Variants in MICALL1 observed in about 807,000 individuals in gnomAD.
The protein encoded by MICALL1 is MICAL like 1.
Under a neutral mutation model 83.7 loss-of-function variants are expected in MICALL1, and 61 were observed. That is an observed-to-expected ratio of 0.73 (90% CI 0.59 to 0.90). The LOEUF (loss-of-function observed/expected upper bound fraction) is 0.90. Among genes scored for constraint, MICALL1 ranks in the 40% least tolerant of loss-of-function variants. The probability of loss-of-function intolerance (pLI) is 0.00; values close to 1 mark genes in which losing one functional copy is unlikely to be tolerated. For missense variants in MICALL1, 1,066 were observed against 1,152.0 expected, an observed-to-expected ratio of 0.93 and a Z score of 1.08; for synonymous variants, 481 against 473.6, an observed-to-expected ratio of 1.02 and a Z score of -0.20.
rs371197573 is a variant in MICALL1, at chr22:37,940,836, C to T, written c.*6C>T. 6.9e-5 allele frequency: 111 copies of T among 1,613,466 alleles called. No individual in the cohort carries two copies. The highest frequency in any genetic ancestry group is 1.9e-4 in the African/African-American group (14 of 74,902). ...CCCCCAGAGACAAGAGCTAACAGCA[C>T]GAGAAGCCAGTTGGGGACTGCCCCC... On this transcript the variant is annotated 3_prime_UTR_variant, in exon 16 of 16. Coordinates refer to ENST00000215957, the MANE Select transcript of MICALL1 (RefSeq NM_033386.4).
intron 13 of MICALL1, among the ~76,000 whole-genome samples, chr22:37,933,527 G>C (rs1487542160): frequency 1.3e-5 from 2 of 152,154 alleles, no homozygotes; most frequent in African/African-American, 4.8e-5. Flanking sequence ...GGTGTAAGAT[G>C]GGAATGAAGG....
Position 37,931,860 on chromosome 22 carries a change from A to G in MICALL1, c.1943A>G (p.Lys648Arg), listed in dbSNP as rs201140058. Residue 648 changes from lysine to arginine, a missense_variant, in exon 10 of 16, where the codon AAG becomes AGG. Transcript: ENST00000215957. ...KPSPAASPAT[K>R]KATKGSKPVR... Reference sequence around the variant, plus strand: ...TCACCTGCAGCGTCCCCAGCCACAAAGAAGGCCACCAAGGGATCCAAGCCA... The same window carrying G: ...TCACCTGCAGCGTCCCCAGCCACAAGGAAGGCCACCAAGGGATCCAAGCCA... 1.9e-6 allele frequency: 3 copies of G among 1,614,128 alleles called. No homozygotes were observed. Among genetic ancestry groups the G allele is most frequent in the South Asian group, 2.2e-5 (2 of 91,080 alleles).
intron 1 of MICALL1, among the ~76,000 whole-genome samples, chr22:37,907,815 A>C (rs1928062463): frequency 6.6e-6 from 1 of 152,228 alleles, no homozygotes; most frequent in South Asian, 2.1e-4. Flanking sequence ...TGAGGTGGTC[A>C]TGTAGGTGGG....
In MICALL1 at chr22:37,932,918, C is replaced by T; in HGVS notation, c.2234+30C>T. 1 of 1,613,656 alleles carries T rather than the reference C, an allele frequency of 6.2e-7. No homozygotes were observed. The highest frequency in any genetic ancestry group is 1.1e-5 in the South Asian group (1 of 91,076). ...GTCCCCCCGCCTGGGGCATCCCTCC[C>T]TGGAATCCGTAGAGCTTAGAATGGA... On this transcript the variant is annotated intron_variant, in intron 12 of 15. Coordinates refer to ENST00000215957, the MANE Select transcript of MICALL1 (RefSeq NM_033386.4). The surrounding 1 kb of genome is among the most constrained non-coding windows in gnomAD (Gnocchi z 4.4).
At position 37,937,810 on chromosome 22, in the gene MICALL1, G is replaced by A. The variant is rs1180528288; in HGVS notation, c.2470+18G>A. 3.1e-6 allele frequency: 5 copies of A among 1,613,110 alleles called. No homozygotes were observed. In the South Asian group the frequency reaches 5.5e-5, roughly 18 times the overall value. On this transcript the variant is annotated intron_variant, in intron 15 of 15. Transcript: ENST00000215957. The stretch of plus-strand genomic sequence containing the variant: ...GAAGAAAGGTGAGGCCCTTGCTGGG[G>A]ATGAGGCTGGTGAGCACTTGAACTT...
intron 9 of MICALL1, among the ~76,000 whole-genome samples, chr22:37,931,447 G>A (rs1421888472): frequency 6.6e-6 from 1 of 151,950 alleles, no homozygotes; most frequent in African/African-American, 2.4e-5. Flanking sequence ...CCAGCTTCTC[G>A]AGAGGCTGAG....
intron 6 of MICALL1, among the ~76,000 whole-genome samples, chr22:37,923,824 GC>G (rs1257941778): frequency 6.6e-6 from 1 of 152,162 alleles, no homozygotes; most frequent in Admixed American, 6.5e-5. Context: ...TCCATGCCCA[GC>G]CTCTATGCTT....
intron 6 of MICALL1, among the ~76,000 whole-genome samples, chr22:37,922,796 GTTTTTTT>G (rs574266914): frequency 1.4e-5 from 1 of 69,196 alleles, no homozygotes; most frequent in Non-Finnish European, 2.8e-5. Context: ...GTTTTTTTTT[GTTTTTTT>G]TTTTTTTTTT....
At chr22:37,913,600 A>G (rs1002880056) in intron 3 of MICALL1, among the ~76,000 whole-genome samples, 1 of 152,204 alleles carries the variant, frequency 6.6e-6, no homozygotes, top group Non-Finnish European at 1.5e-5. Flanking sequence ...TGCAGGGGCT[A>G]CAAAGTGACT....
At chr22:37,921,569 A>C (rs925630427) in intron 5 of MICALL1, among the ~76,000 whole-genome samples, 1 of 152,182 alleles carries the variant, frequency 6.6e-6, no homozygotes, top group Non-Finnish European at 1.5e-5. Flanking sequence ...GTGAGACTCC[A>C]TCTCAAAAAA....
intron 8 of MICALL1, chr22:37,926,424 C>T (rs1929443957): frequency 4.7e-6 from 1 of 214,766 alleles, no homozygotes; most frequent in Non-Finnish European, 9.4e-6. Context: ...TTGAATCCTG[C>T]CTAACTCTGT....
intron 1 of MICALL1, among the ~76,000 whole-genome samples, chr22:37,908,906 G>T (rs1928139456): frequency 6.6e-6 from 1 of 152,194 alleles, no homozygotes; most frequent in Non-Finnish European, 1.5e-5. Context: ...CAAGGGGCGG[G>T]AGGTGTGTGC....
intron 9 of MICALL1, among the ~76,000 whole-genome samples, chr22:37,929,820 AG>A (rs994427133): frequency 2.6e-5 from 4 of 152,218 alleles, no homozygotes; most frequent in African/African-American, 9.6e-5. Flanking sequence ...CCCCAGGTAG[AG>A]GGTGGCAGGA....
intron 14 of MICALL1, among the ~76,000 whole-genome samples, 160 bp from the exon 15 acceptor site, chr22:37,937,586 G>A (rs1930206151): frequency 6.6e-6 from 1 of 152,076 alleles, no homozygotes; most frequent in South Asian, 2.1e-4. Flanking sequence ...ACCACACCCA[G>A]CTACTTTTTG....
chr22:37,907,364 G>T (rs1455124540), intron 1 of MICALL1: 1 of 152,326 alleles, frequency 6.6e-6, no homozygotes, highest in Non-Finnish European at 1.5e-5. Flanking sequence ...AGGTTCTCAT[G>T]GGAAAATGCA....
chr22:37,911,037 C>T (rs955311680), intron 1 of MICALL1, among the ~76,000 whole-genome samples: 3 of 152,134 alleles, frequency 2.0e-5, no homozygotes, highest in Non-Finnish European at 2.9e-5. Flanking sequence ...GGCTGCCCGG[C>T]GGGAAGACTG....
At chr22:37,937,821 T>C (rs1601838644) in intron 15 of MICALL1, 29 bp downstream of exon 15, 1 of 1,612,640 alleles carries the variant, frequency 6.2e-7, no homozygotes. Context: ...ATGAGGCTGG[T>C]GAGCACTTGA....
chr22:37,921,950 C>A, intron 5 of MICALL1, 22 bp from the exon 6 acceptor site: 2 of 1,540,242 alleles, frequency 1.3e-6, no homozygotes, highest in Non-Finnish European at 1.8e-6. Context: ...GCTAAGTGAA[C>A]CCCTGTCCTG....
chr22:37,924,783 G>T lies in MICALL1; in HGVS notation c.1082+66G>T. ...TGGTGGTGGGAATCAGGGTACTCTG[G>T]GGCCGGGTAGGGAGAGAGGCTTCCT... On this transcript the variant is annotated intron_variant, in intron 7 of 15. Transcript: ENST00000215957. The surrounding 1 kb of genome is among the most constrained non-coding windows in gnomAD (Gnocchi z 5.2). The T allele has an allele frequency of 6.5e-7, 1 of 1,536,136 alleles. No individual in the cohort carries two copies.
Sources: allele counts gnomAD v4.1 joint callset (sites outside exome capture counted in the v4.1 genomes callset), GRCh38; gene constraint gnomAD v4.1.1; non-coding constraint Gnocchi (gnomAD v3.1); transcripts MANE v1.5; gene names NCBI Gene and HGNC (gene_info 2026-07-23, HGNC 2026-07-21).